Variants in C1orf94 observed in about 807,000 individuals in gnomAD.
The protein encoded by C1orf94 is uncharacterized protein C1orf94.
A neutral mutation model predicts 53.6 loss-of-function variants in C1orf94; 45 were observed. That is an observed-to-expected ratio of 0.84 (90% CI 0.66 to 1.08). The LOEUF is 1.08. C1orf94 is among the 50% of genes least tolerant of loss of function. C1orf94 has a pLI of 0.00. For synonymous variants in C1orf94, 304 were observed against 296.1 expected (o/e 1.03, Z -0.27); for missense variants, 762 against 738.9 (o/e 1.03, Z -0.36).
At chr1:34,213,863 A>ATTCCTTCC (rs751629138) in intron 6 of C1orf94, among the ~76,000 whole-genome samples, 1 of 151,394 alleles carries the variant, frequency 6.6e-6, no homozygotes, top group African/African-American at 2.4e-5. Flanking sequence ...TAAAAAAAAT[A>ATTCCTTCC]TTCCTTCCTT....
At chr1:34,200,476 A>G (rs892694757) in intron 2 of C1orf94, among the ~76,000 whole-genome samples, 1 of 152,162 alleles carries the variant, frequency 6.6e-6, no homozygotes, top group African/African-American at 2.4e-5. Context: ...ATGGATGGAC[A>G]GATGGATGGA....
intron 2 of C1orf94, among the ~76,000 whole-genome samples, chr1:34,199,375 G>A (rs918027764): frequency 1.6e-4 from 24 of 152,316 alleles, no homozygotes; most frequent in African/African-American, 5.1e-4. Context: ...TTCGGCAACC[G>A]GAGGAACTCC....
At chr1:34,173,028 A>G (rs994074580), upstream of C1orf94, among the ~76,000 whole-genome samples, 7 of 152,252 alleles carry the variant, frequency 4.6e-5, no homozygotes, top group Non-Finnish European at 8.8e-5. Context: ...CAATACAAAG[A>G]AGAAAACTGC....
intron 1 of C1orf94, among the ~76,000 whole-genome samples, chr1:34,169,842 T>C (rs1642117152): frequency 6.6e-6 from 1 of 152,208 alleles, no homozygotes; most frequent in South Asian, 2.1e-4. Context: ...GTGGCAGTGA[T>C]CTGCTGCCCA....
chr1:34,215,269 CACAA>C (rs1038460685), intron 6 of C1orf94, among the ~76,000 whole-genome samples: 2 of 152,162 alleles, frequency 1.3e-5, no homozygotes, highest in African/African-American at 4.8e-5. Flanking sequence ...GTGGCTGCAG[CACAA>C]ACAGTGAGGG....
rs1365450544 is a variant in C1orf94 at position 34,197,839 on chromosome 1, G to C, written c.935G>C (p.Arg312Thr). 2 of 1,614,210 alleles carry C rather than the reference G, an allele frequency of 1.2e-6. No individual in the cohort carries two copies. The highest frequency in any genetic ancestry group is 4.5e-5 in the East Asian group (2 of 44,874). Residue 312 changes from arginine to threonine, a missense_variant, in exon 2 of 7, where the codon AGG becomes ACG. Physicochemically the swap from Arg to Thr is moderately conservative, Grantham distance 71. Coordinates refer to ENST00000488417, the MANE Select transcript of C1orf94 (RefSeq NM_001134734.2). This position sits in a 1 kb window ranked among gnomAD's most constrained non-coding sequence, Gnocchi z 4.1. ...CTCCCTGAGCTCCCTGCTCAGAAGA[G>C]GCAGCTCCCAGTGTTTGCCAAGATC... ...DKLPELPAQK[R>T]QLPVFAKICS...
At position 34,205,884 on chromosome 1, in the gene C1orf94, A is replaced by T. The variant is rs571956356; in HGVS notation, c.1447-2273A>T. ...CTCCTGGGCTACTTGGCATAAAGGAACTCTGCTCCCAATGAAGGAGGGAGG... is the reference window on the plus strand; with the variant it reads ...CTCCTGGGCTACTTGGCATAAAGGATCTCTGCTCCCAATGAAGGAGGGAGG... On this transcript the variant is annotated intron_variant, in intron 4 of 6. Transcript: ENST00000488417. 2.6e-5 allele frequency among the ~76,000 whole-genome samples: 4 copies of T among 152,248 alleles called. No individual in the cohort carries two copies. In the South Asian group the frequency reaches 8.3e-4, roughly 32 times the overall value.
intron 4 of C1orf94, among the ~76,000 whole-genome samples, chr1:34,203,412 C>T (rs1234441876): frequency 6.6e-6 from 1 of 152,084 alleles, no homozygotes; most frequent in Non-Finnish European, 1.5e-5. Context: ...CAGGGGTGAG[C>T]CACCGCACCC....
chr1:34,197,498 G>A lies in C1orf94; in HGVS notation c.594G>A (p.Gln198=). 6.2e-7 allele frequency: 1 copy of A among 1,614,130 alleles called. No individual in the cohort carries two copies. Among genetic ancestry groups the A allele is most frequent in the Non-Finnish European group, 8.5e-7 (1 of 1,180,018 alleles). Residue 198 remains glutamine, a synonymous_variant, in exon 2 of 7, where the codon CAG becomes CAA. Coordinates refer to ENST00000488417, the MANE Select transcript of C1orf94 (RefSeq NM_001134734.2). The surrounding 1 kb of genome is among the most constrained non-coding windows in gnomAD (Gnocchi z 4.1). Reference sequence around the variant, plus strand: ...CCATGCCCGTTATCAGCAGCAGGCAGGACTGTGATTCTGCCACTTCTACTG... The same window carrying A: ...CCATGCCCGTTATCAGCAGCAGGCAAGACTGTGATTCTGCCACTTCTACTG... ...KVAMPVISSR[Q]DCDSATSTVT...
Position 34,188,046 on chromosome 1 carries a change from C to T in C1orf94, c.321-9179C>T, listed in dbSNP as rs1368257878. The stretch of plus-strand genomic sequence containing the variant: ...ATGGGATGCGAGATTCTGGGGAAAA[C>T]GGGGATGCCACAAGTGGAGAAAGAA... On this transcript the variant is annotated intron_variant, in intron 1 of 6. Coordinates refer to ENST00000488417, the MANE Select transcript of C1orf94 (RefSeq NM_001134734.2). Among the ~76,000 whole-genome samples, 6 of 152,082 alleles carry T rather than the reference C, an allele frequency of 3.9e-5. No homozygotes were observed. In the South Asian group the frequency reaches 6.2e-4, roughly 16 times the overall value.
intron 1 of C1orf94, among the ~76,000 whole-genome samples, chr1:34,182,624 G>C (rs1264702276): frequency 3.9e-5 from 6 of 152,130 alleles, no homozygotes; most frequent in African/African-American, 1.4e-4. Flanking sequence ...TTTAAGATGA[G>C]CCAATGGACC....
chr1:34,199,242 G>A (rs1009995125), intron 2 of C1orf94, among the ~76,000 whole-genome samples: 2 of 152,194 alleles, frequency 1.3e-5, no homozygotes, highest in Admixed American at 6.5e-5. Context: ...CTGGGACGAG[G>A]GAGCTTCGTA....
At position 34,197,408 on chromosome 1, in the gene C1orf94, AG is replaced by A; in HGVS notation, c.506del (p.Gly169AlafsTer17). 1 of 1,613,902 alleles carries A rather than the reference AG, an allele frequency of 6.2e-7. No individual in the cohort carries two copies. The highest frequency in any genetic ancestry group is 2.2e-5 in the East Asian group (1 of 44,858). On this transcript the variant is annotated frameshift_variant, in exon 2 of 7. Coordinates refer to ENST00000488417, the MANE Select transcript of C1orf94 (RefSeq NM_001134734.2). LOFTEE classifies it high-confidence loss of function. The surrounding 1 kb of genome is among the most constrained non-coding windows in gnomAD (Gnocchi z 4.1). ...PCILAPPLVAGSNERPRASII... is the reference protein window; with the variant it reads ...PCILAPPLVAXSNERPRASII... ...GCATTCTTGCCCCTCCTCTAGTGGC[AG>A]GCAGTAATGAGCGCCCCAGAGCCTC... is the stretch of plus-strand genomic sequence containing the variant.
chr1:34,167,993 T>C (rs1642077210), intron 1 of C1orf94, among the ~76,000 whole-genome samples: 3 of 152,180 alleles, frequency 2.0e-5, no homozygotes, highest in Middle Eastern at 3.2e-3. Flanking sequence ...CCTGACTTGA[T>C]GAAGGCAGAA....
chr1:34,206,584 C>A (rs6657699), intron 4 of C1orf94, among the ~76,000 whole-genome samples: 2 of 152,196 alleles, frequency 1.3e-5, no homozygotes, highest in African/African-American at 4.8e-5. Flanking sequence ...GGCAGGCGCA[C>A]GACTGCCTGT....
upstream of C1orf94, among the ~76,000 whole-genome samples, chr1:34,171,928 C>G (rs1642151311): frequency 6.6e-6 from 1 of 152,224 alleles, no homozygotes; most frequent in Non-Finnish European, 1.5e-5. Context: ...GCAACTGTTT[C>G]TGTTTTCCTT....
At chr1:34,179,216 C>T (rs976186389) in intron 1 of C1orf94, among the ~76,000 whole-genome samples, 68 of 152,256 alleles carry the variant, frequency 4.5e-4, no homozygotes, top group African/African-American at 1.5e-3. Context: ...GTGGAAGGCA[C>T]TTTGGCTAGT....
chr1:34,212,077 A>G, intron 5 of C1orf94, 133 bp from the exon 6 acceptor site: 1 of 734,172 alleles, frequency 1.4e-6, no homozygotes, highest in Non-Finnish European at 2.1e-6. Context: ...GGCTTTCTCC[A>G]TTCCAACATG....
At chr1:34,212,134 A>G (rs1571351194) in intron 5 of C1orf94, 76 bp from the exon 6 acceptor site, 1 of 1,363,882 alleles carries the variant, frequency 7.3e-7, no homozygotes, top group Non-Finnish European at 1.0e-6. Context: ...AGGGGCTGAG[A>G]CTGGGGGTGG....
Sources: allele counts gnomAD v4.1 joint callset (sites outside exome capture counted in the v4.1 genomes callset), GRCh38; gene constraint gnomAD v4.1.1; non-coding constraint Gnocchi (gnomAD v3.1); transcripts MANE v1.5; gene names NCBI Gene and HGNC (gene_info 2026-07-23, HGNC 2026-07-21).